SNX29: variants seen among roughly 807,000 people sequenced by gnomAD.
The protein encoded by SNX29 is sorting nexin 29.
A neutral mutation model predicts 102.1 loss-of-function variants in SNX29; 78 were observed. The observed-to-expected ratio is 0.76, with a 90% CI of 0.64 to 0.92. SNX29 has a LOEUF of 0.92. Among genes scored for constraint, SNX29 ranks in the 40% least tolerant of loss-of-function variants. The pLI, the probability that SNX29 is intolerant of heterozygous loss-of-function variation, is 0.00. For synonymous variants in SNX29, 580 were observed against 414.5 expected, an observed-to-expected ratio of 1.40 and a Z score of -4.85; for missense variants, 1,280 against 1,061.7, an observed-to-expected ratio of 1.21 and a Z score of -2.86.
intron 15 of SNX29, among the ~76,000 whole-genome samples, chr16:12,329,004 G>C (rs982411696): frequency 6.6e-6 from 1 of 151,986 alleles, no homozygotes; most frequent in African/African-American, 2.4e-5. Flanking sequence ...AGGCATGATG[G>C]CTCACACCTG....
chr16:12,281,806 C>T (rs1464527112), intron 15 of SNX29, among the ~76,000 whole-genome samples: 2 of 152,082 alleles, frequency 1.3e-5, no homozygotes, highest in African/African-American at 4.8e-5. Flanking sequence ...CGTGGTGGCT[C>T]AAACCTGTAA....
rs139294502 is a variant in SNX29 at position 12,473,571 on chromosome 16, A to T, written c.2038-4148A>T. 1.6e-3 allele frequency among the ~76,000 whole-genome samples: 249 copies of T among 152,300 alleles called. 2 individuals carry two copies. The highest frequency in any genetic ancestry group is 6.8e-3 in the Middle Eastern group (2 of 294). On this transcript the variant is annotated intron_variant, in intron 18 of 20. Coordinates refer to ENST00000566228, the MANE Select transcript of SNX29 (RefSeq NM_032167.5). ...TTTGAACCAGAGCAACTCCATCTTG[A>T]ATAGGGGCTGGGTAAAGTGAGGCTG...
chr16:12,483,569 C>T (rs2088079245), intron 19 of SNX29, among the ~76,000 whole-genome samples: 1 of 152,190 alleles, frequency 6.6e-6, no homozygotes, highest in South Asian at 2.1e-4. Context: ...CCCACCTCAG[C>T]CTCCCAAAGT....
intron 14 of SNX29, among the ~76,000 whole-genome samples, chr16:12,261,252 A>G (rs1213234917): frequency 0.051 from 1,063 of 20,992 alleles, 4 homozygotes; most frequent in Middle Eastern, 0.095. Context: ...CTGTGTGCGC[A>G]CCCCCGGGTG....
intron 20 of SNX29, among the ~76,000 whole-genome samples, chr16:12,562,630 G>T (rs976198911): frequency 6.6e-6 from 1 of 152,190 alleles, no homozygotes; most frequent in African/African-American, 2.4e-5. Flanking sequence ...CAGGCTATCA[G>T]GGTCTTCCCT....
chr16:12,079,935 TTTTCA>T lies in SNX29; in HGVS notation c.1402+1024_1402+1028del, dbSNP rs775473308. Among the ~76,000 whole-genome samples, 54 of 152,338 alleles carry T rather than the reference TTTTCA, an allele frequency of 3.5e-4. No individual in the cohort carries two copies. In the South Asian group the frequency reaches 4.6e-3, roughly 13 times the overall value. On this transcript the variant is annotated intron_variant, in intron 11 of 20. Coordinates refer to ENST00000566228, the MANE Select transcript of SNX29 (RefSeq NM_032167.5). Reference sequence around the variant, plus strand: ...TGGATAGGGAAAAAAATTACAATGTTTTTCATTTAGCTCTGGGTGAAATATAGTAT... The same window carrying T: ...TGGATAGGGAAAAAAATTACAATGTTTTTAGCTCTGGGTGAAATATAGTAT...
intron 16 of SNX29, among the ~76,000 whole-genome samples, chr16:12,366,639 C>T (rs1484735651): frequency 3.9e-5 from 6 of 152,202 alleles, no homozygotes; most frequent in Non-Finnish European, 8.8e-5. Context: ...CTGCCTTTCC[C>T]AGGAACTTTG....
At chr16:12,524,679 G>A (rs749673602) in intron 19 of SNX29, 23 bp from the exon 20 acceptor site, 22 of 1,610,860 alleles carry the variant, frequency 1.4e-5, no homozygotes, top group Middle Eastern at 3.3e-4. Context: ...GTACCAAAGC[G>A]AAGATGTTTT....
intron 14 of SNX29, among the ~76,000 whole-genome samples, chr16:12,222,142 T>C (rs1328577826): frequency 6.6e-6 from 1 of 152,236 alleles, no homozygotes; most frequent in African/African-American, 2.4e-5. Context: ...CGATCTTCAT[T>C]CTGCAGATGC....
At chr16:12,478,467 G>A (rs7187657) in intron 19 of SNX29, among the ~76,000 whole-genome samples, 7,224 of 152,240 alleles carry the variant, frequency 0.047, 561 homozygotes, top group African/African-American at 0.16. Context: ...CCAATTTGTC[G>A]CTGTTTATTC....
chr16:11,976,814 G>A lies in SNX29; in HGVS notation c.7+1G>A, dbSNP rs2055309726. The A allele has an allele frequency of 1.4e-6, 2 of 1,381,216 alleles. No homozygotes were observed. Among genetic ancestry groups the A allele is most frequent in the Non-Finnish European group, 1.9e-6 (2 of 1,067,012 alleles). The allele number at this position is 1,381,216 out of a possible 1,614,324, so 85.6% of individuals were successfully genotyped here. A position where few individuals can be genotyped will look rare whatever the true frequency, so the allele number is the denominator to read the frequency against. ...GGCCCGGGGAGAGGCACCATGAGCG[G>A]TGAGTGGCGGCCCCGCCGCTGTCAC... On this transcript the variant is annotated splice_donor_variant, in intron 1 of 20. Transcript: ENST00000566228. LOFTEE classifies it high-confidence loss of function.
intron 3 of SNX29, among the ~76,000 whole-genome samples, chr16:12,023,316 G>T (rs1381436707): frequency 2.6e-5 from 4 of 151,242 alleles, no homozygotes; most frequent in African/African-American, 9.7e-5. Context: ...ATGGCAAGGA[G>T]GCAGCTGACC....
intron 3 of SNX29, among the ~76,000 whole-genome samples, chr16:12,007,157 G>A (rs2056482691): frequency 2.0e-5 from 3 of 152,214 alleles, no homozygotes; most frequent in Admixed American, 2.0e-4. Context: ...TTTGGGTAAA[G>A]GTGGCACCAC....
intron 20 of SNX29, among the ~76,000 whole-genome samples, chr16:12,542,752 T>A (rs2077399145): frequency 6.6e-6 from 1 of 150,640 alleles, no homozygotes; most frequent in Admixed American, 6.6e-5. Context: ...CACTAGACTA[T>A]CACTGCCTTT....
intron 2 of SNX29, among the ~76,000 whole-genome samples, chr16:12,002,222 C>T (rs1369019991): frequency 6.6e-6 from 1 of 151,774 alleles, no homozygotes; most frequent in Non-Finnish European, 1.5e-5. Flanking sequence ...CCAAGGCGGT[C>T]GGATCACCTG....
At chr16:12,209,312 C>G (rs1391891835) in intron 14 of SNX29, among the ~76,000 whole-genome samples, 1 of 152,174 alleles carries the variant, frequency 6.6e-6, no homozygotes, top group Non-Finnish European at 1.5e-5. Flanking sequence ...ACCTTAGCCT[C>G]CCAGATAGCT....
At chr16:12,519,990 AAAAAAT>A (rs1366018568) in intron 19 of SNX29, among the ~76,000 whole-genome samples, 9 of 151,838 alleles carry the variant, frequency 5.9e-5, no homozygotes, top group South Asian at 2.1e-4. Context: ...TCCCGCCTGC[AAAAAAT>A]AAAAATAAAA....
chr16:12,061,761 G>A (rs1036679859), intron 9 of SNX29, 115 bp downstream of exon 9: 97 of 878,928 alleles, frequency 1.1e-4, no homozygotes, highest in African/African-American at 3.3e-5. Flanking sequence ...CACGGGAGTC[G>A]GGGTGTGGTT....
At chr16:12,408,770 A>G (rs543709286) in intron 18 of SNX29, among the ~76,000 whole-genome samples, 53 of 152,330 alleles carry the variant, frequency 3.5e-4, no homozygotes, top group African/African-American at 1.2e-3. Context: ...CAGTGAGCCA[A>G]GATTGCGCCA....
Sources: gnomAD v4.1 joint callset for allele counts (sites outside exome capture counted in the v4.1 genomes callset) on GRCh38, gnomAD v4.1.1 for gene constraint, MANE v1.5 for transcripts, NCBI Gene and HGNC (gene_info 2026-07-23, HGNC 2026-07-21) for gene names.